Variants in PNMA8C observed in about 807,000 individuals in gnomAD.
PNMA8C encodes the protein PNMA family member 8C, also known as paraneoplastic antigen-like protein 8C.
rs949897035 is a variant in PNMA8C at position 46,427,775 on chromosome 19, C to G, written c.585G>C (p.Arg195=). The part of the protein sequence containing the change: ...RGKRKNKKNR[R]RHHASDKKL ...GCTTCTTGTCTGAGGCGTGATGCCG[C>G]CGGCGGTTTTTCTTGTTCTTCCTTT... The change falls in exon 1 of 1, where the codon CGG becomes CGC. Residue 195 remains arginine (R), a synonymous_variant. Coordinates refer to ENST00000617053, the MANE Select transcript of PNMA8C (RefSeq NM_001386793.1). 1 of 398,660 alleles carries G rather than the reference C, an allele frequency of 2.5e-6. No individual in the cohort carries two copies. The highest frequency in any genetic ancestry group is 4.4e-6 in the Non-Finnish European group (1 of 226,228). 24.7% of individuals were successfully genotyped at this position (398,660 alleles called of 1,614,324 possible).
chr19:46,428,559 G>T lies in PNMA8C; in HGVS notation c.-200C>A. The T allele has an allele frequency of 2.5e-6, 1 of 394,750 alleles. No homozygotes were observed. Among genetic ancestry groups the T allele is most frequent in the East Asian group, 3.6e-5 (1 of 27,888 alleles). The allele number at this position is 394,750 out of a possible 1,614,324, so 24.5% of individuals were successfully genotyped here. A position where few individuals can be genotyped will look rare whatever the true frequency, so the allele number is the denominator to read the frequency against. The stretch of plus-strand genomic sequence containing the variant: ...CCCCAGCCCCTGCCTGCAGGGCTGT[G>T]CAACGTCGGGGCTTCTGTGGCTCCC... On this transcript the variant is annotated 5_prime_UTR_variant, in exon 1 of 1. Transcript: ENST00000617053.
Position 46,428,029 on chromosome 19 carries a change from G to T in PNMA8C, c.331C>A (p.Leu111Met). 1 of 398,722 alleles carries T rather than the reference G, an allele frequency of 2.5e-6. No homozygotes were observed. Among genetic ancestry groups the T allele is most frequent in the Non-Finnish European group, 4.4e-6 (1 of 226,184 alleles). 24.7% of individuals were successfully genotyped at this position (398,722 alleles called of 1,614,324 possible). Residue 111 changes from leucine (L) to methionine (M), a missense_variant, in exon 1 of 1, where the codon CTG (leucine) becomes ATG (methionine). By Grantham distance (15) the Leu-to-Met change is conservative (BLOSUM62 2). Transcript: ENST00000617053. The part of the protein sequence containing the change: ...RKQDIEFLTK[L>M]NLFLQSEGRT... ...CCCTCGCTCTGCAGAAAGAGGTTCAGCTTGGTCAGGAATTCAATGTCCTGC... is the reference window on the plus strand; with the variant it reads ...CCCTCGCTCTGCAGAAAGAGGTTCATCTTGGTCAGGAATTCAATGTCCTGC...
At position 46,427,758 on chromosome 19, in the gene PNMA8C, T is replaced by TC. The variant is rs2147442293; in HGVS notation, c.601dup (p.Asp201GlyfsTer17). 2.5e-6 allele frequency: 1 copy of TC among 398,564 alleles called. No homozygotes were observed. Among genetic ancestry groups the TC allele is most frequent in the African/African-American group, 2.1e-5 (1 of 48,704 alleles). The allele number at this position is 398,564 out of a possible 1,614,324, so 24.7% of individuals were successfully genotyped here. On this transcript the variant is annotated frameshift_variant, in exon 1 of 1. Coordinates refer to ENST00000617053, the MANE Select transcript of PNMA8C (RefSeq NM_001386793.1). LOFTEE classifies it high-confidence loss of function. ...GATGCCACCACCTCACAGCTTCTTG[T>TC]CTGAGGCGTGATGCCGCCGGCGGTT... is the stretch of plus-strand genomic sequence containing the variant.
At position 46,427,672 on chromosome 19, in the gene PNMA8C, G is replaced by T. The variant is rs1969429914; in HGVS notation, c.*73C>A. On this transcript the variant is annotated 3_prime_UTR_variant, in exon 1 of 1. Coordinates refer to ENST00000617053, the MANE Select transcript of PNMA8C (RefSeq NM_001386793.1). ...ACTCGCACTCCTTAAACGTAGTGAG[G>T]TGGTACCTACCCTCCCACAGTCATC... is the stretch of plus-strand genomic sequence containing the variant. 2 of 397,756 alleles carry T rather than the reference G, an allele frequency of 5.0e-6. No individual in the cohort carries two copies. Among genetic ancestry groups the T allele is most frequent in the Non-Finnish European group, 8.8e-6 (2 of 226,040 alleles). 24.6% of individuals were successfully genotyped at this position (397,756 alleles called of 1,614,324 possible).
At position 46,425,904 on chromosome 19, in the gene PNMA8C, A is replaced by T. The variant is rs1969416595; in HGVS notation, c.*1841T>A. ...CTCTGTCTCAAAAAAAAAAGACGTT[A>T]GGAGTCTCTGACATTACAATTTGGT... On this transcript the variant is annotated 3_prime_UTR_variant, in exon 1 of 1. Coordinates refer to ENST00000617053, the MANE Select transcript of PNMA8C (RefSeq NM_001386793.1). 1 of 152,128 alleles carries T rather than the reference A, an allele frequency of 6.6e-6. No individual in the cohort carries two copies. The highest frequency in any genetic ancestry group is 1.5e-5 in the Non-Finnish European group (1 of 68,016). 9.4% of individuals were successfully genotyped at this position (152,128 alleles called of 1,614,324 possible). A position where few individuals can be genotyped will look rare whatever the true frequency, so the allele number is the denominator to read the frequency against.
rs1969411874 is a variant in PNMA8C, at chr19:46,425,339, C to T, written c.*2406G>A. 1 of 152,178 alleles carries T rather than the reference C, an allele frequency of 6.6e-6. No homozygotes were observed. The highest frequency in any genetic ancestry group is 1.5e-5 in the Non-Finnish European group (1 of 68,068). 9.4% of individuals were successfully genotyped at this position (152,178 alleles called of 1,614,324 possible). On this transcript the variant is annotated 3_prime_UTR_variant, in exon 1 of 1. Transcript: ENST00000617053. ...GCGTGGTGGCTCACGCCTGTAATCC[C>T]AACACTTTGGGAGGCCGAAGTGGGC...
In PNMA8C at chr19:46,426,901, A is replaced by G. The variant is rs2147441896; in HGVS notation, c.*844T>C. On this transcript the variant is annotated 3_prime_UTR_variant, in exon 1 of 1. Transcript: ENST00000617053. ...CGCGGGGTCTCCCGAGTAGCGGAAGATATTTGTGGGTCTTTGAGACCCTTC... is the reference window on the plus strand; with the variant it reads ...CGCGGGGTCTCCCGAGTAGCGGAAGGTATTTGTGGGTCTTTGAGACCCTTC... The G allele has an allele frequency of 6.6e-6, 1 of 152,372 alleles. No homozygotes were observed. Among genetic ancestry groups the G allele is most frequent in the Non-Finnish European group, 1.5e-5 (1 of 68,056 alleles). The allele number at this position is 152,372 out of a possible 1,614,324, so 9.4% of individuals were successfully genotyped here.
At position 46,426,141 on chromosome 19, in the gene PNMA8C, T is replaced by C. The variant is rs1300152468; in HGVS notation, c.*1604A>G. 1 of 152,156 alleles carries C rather than the reference T, an allele frequency of 6.6e-6. No homozygotes were observed. Among genetic ancestry groups the C allele is most frequent in the Non-Finnish European group, 1.5e-5 (1 of 68,032 alleles). 9.4% of individuals were successfully genotyped at this position (152,156 alleles called of 1,614,324 possible). A position where few individuals can be genotyped will look rare whatever the true frequency, so the allele number is the denominator to read the frequency against. ...GTCGTTCATTGGTAACTCTTGAAAA[T>C]GGCCTCTTAATGATTTACCTCCTTT... On this transcript the variant is annotated 3_prime_UTR_variant, in exon 1 of 1. Coordinates refer to ENST00000617053, the MANE Select transcript of PNMA8C (RefSeq NM_001386793.1).
rs921712966 is a variant in PNMA8C at position 46,427,035 on chromosome 19, T to C, written c.*710A>G. On this transcript the variant is annotated 3_prime_UTR_variant, in exon 1 of 1. Coordinates refer to ENST00000617053, the MANE Select transcript of PNMA8C (RefSeq NM_001386793.1). Reference sequence around the variant, plus strand: ...ACAACTACTTTCAATTATACGCGGATGCCACCCACACACTCTAATGCTACC... The same window carrying C: ...ACAACTACTTTCAATTATACGCGGACGCCACCCACACACTCTAATGCTACC... The C allele has an allele frequency of 6.6e-6, 1 of 152,292 alleles. No individual in the cohort carries two copies. The highest frequency in any genetic ancestry group is 6.5e-5 in the Admixed American group (1 of 15,282). The allele number at this position is 152,292 out of a possible 1,614,324, so 9.4% of individuals were successfully genotyped here. A position where few individuals can be genotyped will look rare whatever the true frequency, so the allele number is the denominator to read the frequency against.
rs1300380002 is a variant in PNMA8C at position 46,427,513 on chromosome 19, TAACTC to T, written c.*227_*231del. 2.7e-6 allele frequency: 1 copy of T among 365,592 alleles called. No individual in the cohort carries two copies. The highest frequency in any genetic ancestry group is 4.9e-6 in the Non-Finnish European group (1 of 205,408). The allele number at this position is 365,592 out of a possible 1,614,324, so 22.6% of individuals were successfully genotyped here. A position where few individuals can be genotyped will look rare whatever the true frequency, so the allele number is the denominator to read the frequency against. ...ACTCAGATGTAACCCACAAGTTAGT[TAACTC>T]AGATAAAGATATCCACCTCTTTCGC... On this transcript the variant is annotated 3_prime_UTR_variant, in exon 1 of 1. Transcript: ENST00000617053.
Position 46,427,975 on chromosome 19 carries a change from G to A in PNMA8C, c.385C>T (p.Leu129=), listed in dbSNP as rs1601470028. Residue 129 remains leucine (L), a synonymous_variant, in exon 1 of 1, where the codon CTG becomes TTG. Coordinates refer to ENST00000617053, the MANE Select transcript of PNMA8C (RefSeq NM_001386793.1). The part of the protein sequence containing the change: ...GRTVEDMARV[L]RQELCPPATG... ...GCTGGGGGACACAGTTCCTGCCTCA[G>A]GACCCGGGCCATATCCTCCACCGTC... 1.0e-5 allele frequency: 4 copies of A among 398,608 alleles called. No homozygotes were observed. The East Asian group carries it at 1.4e-4, about 14-fold the overall frequency. The allele number at this position is 398,608 out of a possible 1,614,324, so 24.7% of individuals were successfully genotyped here.
chr19:46,427,564 G>C lies in PNMA8C; in HGVS notation c.*181C>G. 1 of 395,256 alleles carries C rather than the reference G, an allele frequency of 2.5e-6. No homozygotes were observed. The highest frequency in any genetic ancestry group is 4.5e-6 in the Non-Finnish European group (1 of 224,488). 24.5% of individuals were successfully genotyped at this position (395,256 alleles called of 1,614,324 possible). A position where few individuals can be genotyped will look rare whatever the true frequency, so the allele number is the denominator to read the frequency against. ...TTCGCACTAGTCAGATGTTACCTGTGCTATCCAAATGATACCCATTCTTAC... is the reference window on the plus strand; with the variant it reads ...TTCGCACTAGTCAGATGTTACCTGTCCTATCCAAATGATACCCATTCTTAC... On this transcript the variant is annotated 3_prime_UTR_variant, in exon 1 of 1. Coordinates refer to ENST00000617053, the MANE Select transcript of PNMA8C (RefSeq NM_001386793.1).
At position 46,425,761 on chromosome 19, in the gene PNMA8C, T is replaced by C. The variant is rs1210597656; in HGVS notation, c.*1984A>G. 6.6e-6 allele frequency: 1 copy of C among 151,996 alleles called. No individual in the cohort carries two copies. The highest frequency in any genetic ancestry group is 6.6e-5 in the Admixed American group (1 of 15,218). 9.4% of individuals were successfully genotyped at this position (151,996 alleles called of 1,614,324 possible). A position where few individuals can be genotyped will look rare whatever the true frequency, so the allele number is the denominator to read the frequency against. On this transcript the variant is annotated 3_prime_UTR_variant, in exon 1 of 1. Coordinates refer to ENST00000617053, the MANE Select transcript of PNMA8C (RefSeq NM_001386793.1). ...AAATTTAGCTGGACGTGGTGGTTCA[T>C]GCCTGTAATCCTAGCTACTAGGGAG...
rs1204719706 is a variant in PNMA8C, at chr19:46,427,719, C to T, written c.*26G>A. 7.5e-6 allele frequency: 3 copies of T among 398,130 alleles called. No homozygotes were observed. In the East Asian group the frequency reaches 1.1e-4, roughly 14 times the overall value. The allele number at this position is 398,130 out of a possible 1,614,324, so 24.7% of individuals were successfully genotyped here. A position where few individuals can be genotyped will look rare whatever the true frequency, so the allele number is the denominator to read the frequency against. On this transcript the variant is annotated 3_prime_UTR_variant, in exon 1 of 1. Transcript: ENST00000617053. ...CATCACCCACACCCCCTCAGACACT[C>T]CCCACGCCCACCCGATGCCACCACC... is the stretch of plus-strand genomic sequence containing the variant.
rs1969428909 is a variant in PNMA8C, at chr19:46,427,514, A to C, written c.*231T>G. On this transcript the variant is annotated 3_prime_UTR_variant, in exon 1 of 1. Transcript: ENST00000617053. ...CTCAGATGTAACCCACAAGTTAGTT[A>C]ACTCAGATAAAGATATCCACCTCTT... The C allele has an allele frequency of 2.7e-6, 1 of 365,222 alleles. No homozygotes were observed. The highest frequency in any genetic ancestry group is 2.1e-5 in the African/African-American group (1 of 47,900). 22.6% of individuals were successfully genotyped at this position (365,222 alleles called of 1,614,324 possible).
In PNMA8C at chr19:46,426,808, T is replaced by G. The variant is rs1447776485; in HGVS notation, c.*937A>C. The stretch of plus-strand genomic sequence containing the variant: ...GGCGCAGGCGCCTGGGGTCAGCCTG[T>G]GGTCTCCATAGCAACGGTCGGACGC... On this transcript the variant is annotated 3_prime_UTR_variant, in exon 1 of 1. Coordinates refer to ENST00000617053, the MANE Select transcript of PNMA8C (RefSeq NM_001386793.1). 6.6e-6 allele frequency: 1 copy of G among 152,268 alleles called. No homozygotes were observed. The highest frequency in any genetic ancestry group is 1.5e-5 in the Non-Finnish European group (1 of 68,074). 9.4% of individuals were successfully genotyped at this position (152,268 alleles called of 1,614,324 possible).
rs1045967219 is a variant in PNMA8C at position 46,424,735 on chromosome 19, T to C, written c.*3010A>G. On this transcript the variant is annotated 3_prime_UTR_variant, in exon 1 of 1. Transcript: ENST00000617053. ...CATTTATTTTATGAGTTCATATTTGTACAAAAGAGCATCTCAATCACAAAG... is the reference window on the plus strand; with the variant it reads ...CATTTATTTTATGAGTTCATATTTGCACAAAAGAGCATCTCAATCACAAAG... 2 of 152,184 alleles carry C rather than the reference T, an allele frequency of 1.3e-5. No individual in the cohort carries two copies. Among genetic ancestry groups the C allele is most frequent in the African/African-American group, 4.8e-5 (2 of 41,442 alleles). 9.4% of individuals were successfully genotyped at this position (152,184 alleles called of 1,614,324 possible).
rs1271094421 is a variant in PNMA8C, at chr19:46,428,682, G to T, written c.-323C>A. 3.7e-6 allele frequency: 1 copy of T among 272,252 alleles called. No homozygotes were observed. Among genetic ancestry groups the T allele is most frequent in the Non-Finnish European group, 6.8e-6 (1 of 146,152 alleles). 16.9% of individuals were successfully genotyped at this position (272,252 alleles called of 1,614,324 possible). A position where few individuals can be genotyped will look rare whatever the true frequency, so the allele number is the denominator to read the frequency against. On this transcript the variant is annotated 5_prime_UTR_variant, in exon 1 of 1. Transcript: ENST00000617053. ...TCGTGGCTCCCGGGTCCTGGGCAAG[G>T]CTGCACCAAGGAGGGTCTAAAGATG...
In PNMA8C at chr19:46,428,385, T is replaced by G; in HGVS notation, c.-26A>C. On this transcript the variant is annotated 5_prime_UTR_variant, in exon 1 of 1. Coordinates refer to ENST00000617053, the MANE Select transcript of PNMA8C (RefSeq NM_001386793.1). The stretch of plus-strand genomic sequence containing the variant: ...CTTGCCCAACTCTTTGAGGCAGCAG[T>G]ATGCCCGCTGGTGGACACCTGAGCT... The G allele has an allele frequency of 2.5e-6, 1 of 398,706 alleles. No individual in the cohort carries two copies. The highest frequency in any genetic ancestry group is 3.6e-5 in the East Asian group (1 of 28,070). 24.7% of individuals were successfully genotyped at this position (398,706 alleles called of 1,614,324 possible).
Sources: gnomAD v4.1 joint callset for allele counts on GRCh38, gnomAD v4.1.1 for gene constraint, MANE v1.5 for transcripts, NCBI Gene and HGNC (gene_info 2026-07-23, HGNC 2026-07-21) for gene names.